Variants in SUPV3L1 observed in about 807,000 individuals in gnomAD.
SUPV3L1 encodes the protein Suv3 like RNA helicase, also known as ATP-dependent RNA helicase SUPV3L1, mitochondrial.
SUPV3L1 carries 35 observed loss-of-function variants against 70.0 expected under a neutral mutation model. That is an observed-to-expected ratio of 0.50 (90% CI 0.38 to 0.66). The LOEUF (loss-of-function observed/expected upper bound fraction) is 0.66, where lower values mean the gene tolerates loss of function less well. Among genes scored for constraint, SUPV3L1 ranks in the 30% least tolerant of loss-of-function variants. The pLI is 0.00. For synonymous variants in SUPV3L1, 364 were observed against 341.9 expected (o/e 1.06, Z -0.71); for missense variants, 777 against 961.5 (o/e 0.81, Z 2.54).
In SUPV3L1 at chr10:69,198,414, C is replaced by A; in HGVS notation, c.1066C>A (p.His356Asn). ...GCTTACCCCCATTTCTGTGCTGGAC[C>A]ATGCACTAGAATCTTTAGATAACCT... is the stretch of plus-strand genomic sequence containing the variant. Reference protein sequence around the residue: ...KRLTPISVLDHALESLDNLRP... With the variant: ...KRLTPISVLDNALESLDNLRP... Residue 356 changes from histidine to asparagine, a missense_variant, in exon 9 of 15, where the codon CAT becomes AAT. By Grantham distance (68) the His-to-Asn change is moderately conservative. Around this residue, in one of 2 missense-constraint regions of SUPV3L1, gnomAD observed 619 missense variants for 823.3 expected, o/e 0.75. Transcript: ENST00000359655. 6.2e-7 allele frequency: 1 copy of A among 1,613,886 alleles called. No individual in the cohort carries two copies. Among genetic ancestry groups the A allele is most frequent in the African/African-American group, 1.3e-5 (1 of 75,030 alleles).
At chr10:69,198,975 A>G (rs1842614683) in intron 9 of SUPV3L1, 129 bp from the exon 10 acceptor site, 1 of 673,910 alleles carries the variant, frequency 1.5e-6, no homozygotes, top group Non-Finnish European at 2.5e-6. Flanking sequence ...AAAGAAATAA[A>G]GTTTGAAACA....
chr10:69,188,071 C>T (rs928424740), intron 4 of SUPV3L1, among the ~76,000 whole-genome samples: 3 of 152,098 alleles, frequency 2.0e-5, no homozygotes, highest in African/African-American at 7.2e-5. Context: ...GAGTTCTTTC[C>T]ACCATGGCTG....
intron 1 of SUPV3L1, 49 bp from the exon 2 acceptor site, chr10:69,185,938 G>A: frequency 2.1e-6 from 3 of 1,425,706 alleles, no homozygotes; most frequent in Non-Finnish European, 2.9e-6. Flanking sequence ...CTTTTTTTCA[G>A]CATTTATCTA....
At chr10:69,183,329 C>T (rs746558278) in intron 1 of SUPV3L1, among the ~76,000 whole-genome samples, 4 of 152,196 alleles carry the variant, frequency 2.6e-5, no homozygotes, top group Non-Finnish European at 5.9e-5. Flanking sequence ...TTATGTGTCT[C>T]CTCATATGCC....
chr10:69,207,790 C>G lies in SUPV3L1; in HGVS notation c.1777-3C>G, dbSNP rs748116346. 1 of 1,610,444 alleles carries G rather than the reference C, an allele frequency of 6.2e-7. No individual in the cohort carries two copies. Among genetic ancestry groups the G allele is most frequent in the South Asian group, 1.1e-5 (1 of 90,488 alleles). On this transcript the variant is annotated splice_region_variant and splice_polypyrimidine_tract_variant and intron_variant, in intron 13 of 14. Transcript: ENST00000359655. ...TGAAACCCTTTTCCTCTTTCTCTCT[C>G]AGTTTGCCAGGCAGTATAGCAGGAA...
chr10:69,198,584 GA>G (rs1299912753), intron 9 of SUPV3L1, 32 bp downstream of exon 9: 1 of 1,599,950 alleles, frequency 6.3e-7, no homozygotes, highest in South Asian at 1.1e-5. Context: ...GACAAGATAT[GA>G]AATCTCCTAT....
At position 69,200,340 on chromosome 10, in the gene SUPV3L1, G is replaced by A; in HGVS notation, c.1359G>A (p.Glu453=). 1 of 1,614,140 alleles carries A rather than the reference G, an allele frequency of 6.2e-7. No homozygotes were observed. The highest frequency in any genetic ancestry group is 8.5e-7 in the Non-Finnish European group (1 of 1,180,034). Reference sequence around the variant, plus strand: ...AGCCCAGTATCAATGAAAAGGGAGAGAGAGAACTAGAACCAATCACAACCT... The same window carrying A: ...AGCCCAGTATCAATGAAAAGGGAGAAAGAGAACTAGAACCAATCACAACCT... The part of the protein sequence containing the change: ...LIKPSINEKG[E]RELEPITTSQ... Residue 453 remains glutamate, a synonymous_variant, in exon 11 of 15, where the codon GAG becomes GAA. Coordinates refer to ENST00000359655, the MANE Select transcript of SUPV3L1 (RefSeq NM_003171.5).
In SUPV3L1 at chr10:69,193,925, C is replaced by G. The variant is rs550259825; in HGVS notation, c.854-1263C>G. Among the ~76,000 whole-genome samples, 10 of 152,154 alleles carry G rather than the reference C, an allele frequency of 6.6e-5. No individual in the cohort carries two copies. In the East Asian group the frequency reaches 1.7e-3, roughly 26 times the overall value. ...GATGAGACACTACTTTTTGCCATAG[C>G]GATGGATTTAAAACCCCTAAGGATG... On this transcript the variant is annotated intron_variant, in intron 6 of 14. Transcript: ENST00000359655.
chr10:69,208,933 A>C lies in SUPV3L1; in HGVS notation c.2259A>C (p.Lys753Asn), dbSNP rs766353155. ...CAGACATGCTGAAACAGCTAGAAAA[A>C]GAGTGGATGACACAACAAACTGAAC... ...LTPDMLKQLE[K>N]EWMTQQTEHN... The change falls in exon 15 of 15, where the codon AAA (lysine) becomes AAC (asparagine). Residue 753 changes from lysine to asparagine, a missense_variant. Coordinates refer to ENST00000359655, the MANE Select transcript of SUPV3L1 (RefSeq NM_003171.5). 1 of 1,614,188 alleles carries C rather than the reference A, an allele frequency of 6.2e-7. No individual in the cohort carries two copies. The highest frequency in any genetic ancestry group is 8.5e-7 in the Non-Finnish European group (1 of 1,180,036).
intron 7 of SUPV3L1, 128 bp downstream of exon 7, chr10:69,195,393 CTAAGTA>C (rs754787243): frequency 5.3e-5 from 26 of 487,176 alleles, no homozygotes; most frequent in Admixed American, 1.2e-4. Context: ...AAAAAGTAAA[CTAAGTA>C]TGAGTTTTTA....
intron 2 of SUPV3L1, 98 bp from the exon 3 acceptor site, chr10:69,186,334 AAAAAAAAAAAG>A (rs1842230237): frequency 3.2e-5 from 23 of 730,042 alleles, no homozygotes; most frequent in African/African-American, 2.7e-4. Context: ...CCAAAAAAAA[AAAAAAAAAAAG>A]AAAAAAAAAG....
Position 69,187,739 on chromosome 10 carries a change from A to C in SUPV3L1, c.555A>C (p.Leu185Phe). 6.2e-7 allele frequency: 1 copy of C among 1,608,104 alleles called. No individual in the cohort carries two copies. Among genetic ancestry groups the C allele is most frequent in the Non-Finnish European group, 8.5e-7 (1 of 1,176,794 alleles). The change falls in exon 4 of 15, where the codon TTA becomes TTC. Residue 185 changes from leucine (L) to phenylalanine (F), a missense_variant. Physicochemically the swap from Leu to Phe is conservative, Grantham distance 22 (BLOSUM62 0). This residue lies in a region of SUPV3L1 where 619 missense variants were observed against 823.3 expected (regional missense o/e 0.75). Transcript: ENST00000359655. ...CKDDLRKISD[L>F]RIPPNWYPDA... ...ATGATCTACGTAAAATCAGTGACTT[A>C]AGAATACCACCTAACTGGTTAGTTT...
intron 14 of SUPV3L1, 100 bp downstream of exon 14, chr10:69,208,041 A>G: frequency 1.4e-6 from 2 of 1,403,144 alleles, no homozygotes; most frequent in Non-Finnish European, 2.0e-6. Context: ...ACATATTTGC[A>G]AGATGCTCTA....
Position 69,198,527 on chromosome 10 carries a change from T to C in SUPV3L1, c.1179T>C (p.Ala393=). ...TTGAAATTCGGGGATTAGAATCAGC[T>C]GTTATATATGGCAGTCTCCCACCTG... ...RQIEIRGLES[A]VIYGSLPPGT... Residue 393 remains alanine, a synonymous_variant, in exon 9 of 15, where the codon GCT becomes GCC. Coordinates refer to ENST00000359655, the MANE Select transcript of SUPV3L1 (RefSeq NM_003171.5). 6.2e-7 allele frequency: 1 copy of C among 1,614,094 alleles called. No homozygotes were observed. Among genetic ancestry groups the C allele is most frequent in the Non-Finnish European group, 8.5e-7 (1 of 1,179,998 alleles).
At chr10:69,206,880 G>A (rs927861282) in intron 13 of SUPV3L1, among the ~76,000 whole-genome samples, 48 of 152,092 alleles carry the variant, frequency 3.2e-4, no homozygotes, top group African/African-American at 1.1e-3. Flanking sequence ...TGTGGCGGGC[G>A]CCTGTAATCC....
chr10:69,187,648 C>G lies in SUPV3L1; in HGVS notation c.464C>G (p.Ala155Gly), dbSNP rs370182500. 2.5e-6 allele frequency: 4 copies of G among 1,603,452 alleles called. No individual in the cohort carries two copies. Among genetic ancestry groups the G allele is most frequent in the Non-Finnish European group, 3.4e-6 (4 of 1,173,922 alleles). Residue 155 changes from alanine to glycine, a missense_variant, in exon 4 of 15, where the codon GCG (alanine) becomes GGG (glycine). Around this residue, in one of 2 missense-constraint regions of SUPV3L1, gnomAD observed 619 missense variants for 823.3 expected, o/e 0.75. Coordinates refer to ENST00000359655, the MANE Select transcript of SUPV3L1 (RefSeq NM_003171.5). Reference protein sequence around the residue: ...LNDICFGAAHADDLFPFFLRH... With the variant: ...LNDICFGAAHGDDLFPFFLRH... The stretch of plus-strand genomic sequence containing the variant: ...ACAGTGTTTTATTTTCCAGCTCATG[C>G]GGATGATTTATTCCCATTTTTCTTG...
rs568081998 is a variant in SUPV3L1, at chr10:69,193,327, G to A, written c.853+1561G>A. The A allele has an allele frequency of 3.3e-5, 5 of 151,992 alleles. No homozygotes were observed. The South Asian group carries it at 1.0e-3, about 32-fold the overall frequency. 9.4% of individuals were successfully genotyped at this position (151,992 alleles called of 1,614,324 possible). On this transcript the variant is annotated intron_variant, in intron 6 of 14. Coordinates refer to ENST00000359655, the MANE Select transcript of SUPV3L1 (RefSeq NM_003171.5). ...AATAATCAACTTTGTGAGAAGAATA[G>A]TTTTTAAAAAATCAATACATTATAA...
chr10:69,195,989 T>C (rs1206015576), intron 7 of SUPV3L1, among the ~76,000 whole-genome samples: 1 of 152,086 alleles, frequency 6.6e-6, no homozygotes, highest in Non-Finnish European at 1.5e-5. Context: ...TCAAGCACTC[T>C]TCCCACCTCA....
chr10:69,192,435 G>C (rs1291552681), intron 6 of SUPV3L1: 1 of 152,076 alleles, frequency 6.6e-6, no homozygotes, highest in East Asian at 1.9e-4. Context: ...CGTATTACCA[G>C]TATTCTAGAT....
Sources: gnomAD v4.1 joint callset for allele counts (sites outside exome capture counted in the v4.1 genomes callset) on GRCh38, gnomAD v4.1.1 for gene constraint, gnomAD v4.1.1 regional missense constraint, MANE v1.5 for transcripts, NCBI Gene and HGNC (gene_info 2026-07-23, HGNC 2026-07-21) for gene names.